GATA6: variants seen among roughly 807,000 people sequenced by gnomAD.
GATA6 encodes transcription factor GATA-6.
Under a neutral mutation model 48.1 loss-of-function variants are expected in GATA6, and 11 were observed. The ratio of observed to expected loss-of-function variants is 0.23; its 90% CI spans 0.14 to 0.38. The LOEUF (loss-of-function observed/expected upper bound fraction) is 0.38, where lower values mean the gene tolerates loss of function less well. Among genes scored for constraint, GATA6 ranks in the 10% least tolerant of loss-of-function variants. The probability of loss-of-function intolerance (pLI) is 1.00; values close to 1 mark genes in which losing one functional copy is unlikely to be tolerated. For synonymous variants in GATA6, 419 were observed against 396.1 expected, an observed-to-expected ratio of 1.06 and a Z score of -0.69; for missense variants, 795 against 850.3, an observed-to-expected ratio of 0.93 and a Z score of 0.81.
chr18:22,190,921 G>A (rs1264740130), intron 6 of GATA6, among the ~76,000 whole-genome samples: 1 of 151,840 alleles, frequency 6.6e-6, no homozygotes, highest in Admixed American at 6.6e-5. Context: ...TGGCCTTTGC[G>A]TGAAAGTCAC....
chr18:22,174,545 G>A (rs2033097578), intron 2 of GATA6, among the ~76,000 whole-genome samples: 2 of 151,880 alleles, frequency 1.3e-5, no homozygotes, highest in African/African-American at 2.4e-5. Context: ...TTTTAAGTAT[G>A]TTTAAAAAAA....
chr18:22,189,120 C>T (rs1216757029), intron 6 of GATA6, among the ~76,000 whole-genome samples: 6 of 152,184 alleles, frequency 3.9e-5, no homozygotes, highest in Admixed American at 1.3e-4. Flanking sequence ...TTCCCGTCCC[C>T]TGTGTGCTTC....
At chr18:22,181,326 A>G in intron 3 of GATA6, 127 bp from the exon 4 acceptor site, 2 of 1,185,768 alleles carry the variant, frequency 1.7e-6, no homozygotes, top group Non-Finnish European at 1.2e-6. Flanking sequence ...TTTCTCAAGG[A>G]CCATTTCATT....
rs373712868 is a variant in GATA6, at chr18:22,182,897, T to C, written c.1517-43T>C. 4.4e-6 allele frequency: 7 copies of C among 1,597,436 alleles called. No individual in the cohort carries two copies. The African/African-American group carries it at 9.4e-5, about 21-fold the overall frequency. On this transcript the variant is annotated intron_variant, in intron 5 of 6. Transcript: ENST00000269216. ...GTAAAGTATTTGCCAACCTTAACAG[T>C]AGAGCATATGTATATTTATAAGGTT...
Position 22,171,308 on chromosome 18 carries a change from G to A in GATA6, c.164G>A (p.Gly55Asp), listed in dbSNP as rs978912698. The A allele has an allele frequency of 3.1e-6, 5 of 1,590,276 alleles. No individual in the cohort carries two copies. Among genetic ancestry groups the A allele is most frequent in the African/African-American group, 2.7e-5 (2 of 74,578 alleles). The change falls in exon 2 of 7, where the codon GGC becomes GAC. Residue 55 changes from glycine to aspartate, a missense_variant. This residue lies in a region of GATA6 where 591 missense variants were observed against 570.0 expected (regional missense o/e 1.04). Coordinates refer to ENST00000269216, the MANE Select transcript of GATA6 (RefSeq NM_005257.6). The surrounding 1 kb of genome is among the most constrained non-coding windows in gnomAD (Gnocchi z 7.1). ...SCSRGGERGP[G>D]GASNCGTPQL... is the part of the protein sequence containing the mutation. ...TCCCGGGGCGGAGAGCGGGGCCCCG[G>A]CGGCGCCAGCAACTGCGGGACGCCT...
chr18:22,179,097 A>T (rs995025655), intron 3 of GATA6, among the ~76,000 whole-genome samples: 2 of 152,214 alleles, frequency 1.3e-5, no homozygotes. Flanking sequence ...GCATTTCTGA[A>T]TCGTTAGCTT....
rs552540320 is a variant in GATA6 at position 22,179,185 on chromosome 18, A to G, written c.1302+2064A>G. On this transcript the variant is annotated intron_variant, in intron 3 of 6. Coordinates refer to ENST00000269216, the MANE Select transcript of GATA6 (RefSeq NM_005257.6). ...TGTAAATGGGTTATAAATGATACCA[A>G]TTGAAGGGTGTGTCACTATCAATTA... Among the ~76,000 whole-genome samples the G allele has an allele frequency of 6.0e-4, 92 of 152,362 alleles. 2 individuals are homozygous for G. In the South Asian group the frequency reaches 0.018, roughly 30 times the overall value.
At position 22,171,630 on chromosome 18, in the gene GATA6, C is replaced by T; in HGVS notation, c.486C>T (p.Tyr162=). Residue 162 remains tyrosine, a synonymous_variant, in exon 2 of 7, where the codon TAC becomes TAT. Transcript: ENST00000269216. The surrounding 1 kb of genome is among the most constrained non-coding windows in gnomAD (Gnocchi z 7.1). ...TCTCCAGCCAGGGTCCGGCCGCCTA[C>T]GACGGCGCGCCCGGCGGCTTCGTGC... ...AALSSQGPAA[Y]DGAPGGFVHS... 1.3e-6 allele frequency: 2 copies of T among 1,595,196 alleles called. No homozygotes were observed. The highest frequency in any genetic ancestry group is 1.7e-6 in the Non-Finnish European group (2 of 1,177,468).
Position 22,170,958 on chromosome 18 carries a change from A to G in GATA6, c.-37-150A>G. On this transcript the variant is annotated intron_variant, in intron 1 of 6. Coordinates refer to ENST00000269216, the MANE Select transcript of GATA6 (RefSeq NM_005257.6). This position sits in a 1 kb window ranked among gnomAD's most constrained non-coding sequence, Gnocchi z 6.7. ...ATTGATCTCCACGCCCGGGGCAGAA[A>G]TAGGATCTTTGAGAAGTCTCAAATG... 1.6e-6 allele frequency: 1 copy of G among 621,546 alleles called. No homozygotes were observed. The highest frequency in any genetic ancestry group is 1.9e-5 in the South Asian group (1 of 52,212). 38.5% of individuals were successfully genotyped at this position (621,546 alleles called of 1,614,324 possible). A position where few individuals can be genotyped will look rare whatever the true frequency, so the allele number is the denominator to read the frequency against.
In GATA6 at chr18:22,172,239, C is replaced by T; in HGVS notation, c.1095C>T (p.Arg365=). The part of the protein sequence containing the change: ...ETPVLHSLQS[R]AGAPLPVPRG... ...CGGTGCTGCACAGCCTGCAGAGCCG[C>T]GCCGGAGCCCCGCTCCCGGTGCCCC... Residue 365 remains arginine, a synonymous_variant, in exon 2 of 7, where the codon CGC becomes CGT. Coordinates refer to ENST00000269216, the MANE Select transcript of GATA6 (RefSeq NM_005257.6). The surrounding 1 kb of genome is among the most constrained non-coding windows in gnomAD (Gnocchi z 5.2). 1 of 1,533,966 alleles carries T rather than the reference C, an allele frequency of 6.5e-7. No homozygotes were observed. Among genetic ancestry groups the T allele is most frequent in the Non-Finnish European group, 8.7e-7 (1 of 1,146,202 alleles).
chr18:22,176,776 A>G, intron 2 of GATA6, 179 bp from the exon 3 acceptor site: 1 of 670,950 alleles, frequency 1.5e-6, no homozygotes. Flanking sequence ...TGGTCAGTGG[A>G]GCAATAGTGA....
intron 3 of GATA6, among the ~76,000 whole-genome samples, 199 bp from the exon 4 acceptor site, chr18:22,181,254 A>G (rs1787727071): frequency 3.3e-5 from 5 of 152,226 alleles, no homozygotes. Context: ...AGGGTCCAGC[A>G]TACTATGCAA....
At chr18:22,184,337 G>GT (rs1205844565) in intron 6 of GATA6, among the ~76,000 whole-genome samples, 3,141 of 141,550 alleles carry the variant, frequency 0.022, 85 homozygotes, top group African/African-American at 0.069. Flanking sequence ...CCTTTTAGTT[G>GT]TTTTTTTTTT....
intron 3 of GATA6, among the ~76,000 whole-genome samples, chr18:22,180,533 A>G (rs902892862): frequency 1.3e-5 from 2 of 152,128 alleles, no homozygotes. Context: ...GCAAATACTG[A>G]TATTAGTATC....
intron 6 of GATA6, among the ~76,000 whole-genome samples, chr18:22,192,294 G>A (rs908010952): frequency 4.0e-5 from 6 of 151,752 alleles, no homozygotes; most frequent in African/African-American, 1.2e-4. Context: ...GAGATGCCTG[G>A]AGACCTCTTT....
intron 6 of GATA6, among the ~76,000 whole-genome samples, chr18:22,197,591 C>T (rs1413081110): frequency 6.6e-6 from 1 of 152,208 alleles, no homozygotes; most frequent in Non-Finnish European, 1.5e-5. Flanking sequence ...CCTTCTCTCG[C>T]CAATAACAAT....
intron 6 of GATA6, among the ~76,000 whole-genome samples, chr18:22,184,687 C>T (rs536249437): frequency 6.6e-6 from 1 of 151,860 alleles, no homozygotes; most frequent in East Asian, 1.9e-4. Context: ...TTAGTAGAGA[C>T]GGGGTTTCAC....
chr18:22,171,285 C>T lies in GATA6; in HGVS notation c.141C>T (p.Ser47=), dbSNP rs754073585. The part of the protein sequence containing the change: ...SPISSSSSSC[S]RGGERGPGGA... ...TCTCTTCCTCGTCCTCCTCCTGCTCCCGGGGCGGAGAGCGGGGCCCCGGCG... is the reference window on the plus strand; with the variant it reads ...TCTCTTCCTCGTCCTCCTCCTGCTCTCGGGGCGGAGAGCGGGGCCCCGGCG... Residue 47 remains serine, a synonymous_variant, in exon 2 of 7, where the codon TCC becomes TCT. Transcript: ENST00000269216. This position sits in a 1 kb window ranked among gnomAD's most constrained non-coding sequence, Gnocchi z 7.1. 1.9e-6 allele frequency: 3 copies of T among 1,594,510 alleles called. No individual in the cohort carries two copies. The highest frequency in any genetic ancestry group is 2.2e-5 in the South Asian group (2 of 90,828).
chr18:22,177,266 C>CA (rs1404491579), intron 3 of GATA6, 145 bp downstream of exon 3: 6 of 710,550 alleles, frequency 8.4e-6, no homozygotes, highest in Non-Finnish European at 1.1e-5. Flanking sequence ...AGCGGGGACC[C>CA]AGCGGTACCA....
Sources: allele counts gnomAD v4.1 joint callset (sites outside exome capture counted in the v4.1 genomes callset), GRCh38; gene constraint gnomAD v4.1.1; regional missense constraint gnomAD v4.1.1; non-coding constraint Gnocchi (gnomAD v3.1); transcripts MANE v1.5; gene names NCBI Gene and HGNC (gene_info 2026-07-23, HGNC 2026-07-21).